The following CPNE5 variants were observed in gnomAD, a reference collection of about 807,000 sequenced individuals.
CPNE5 encodes copine 5, also known as copine-5.
CPNE5 carries 42 observed loss-of-function variants against 81.1 expected under a neutral mutation model. That is an observed-to-expected ratio of 0.52 (90% CI 0.40 to 0.67). The LOEUF (loss-of-function observed/expected upper bound fraction) is 0.67. Among genes scored for constraint, CPNE5 ranks in the 30% least tolerant of loss-of-function variants. The probability of loss-of-function intolerance (pLI) is 0.00; values close to 1 mark genes in which losing one functional copy is unlikely to be tolerated. For synonymous variants in CPNE5, 313 were observed against 321.5 expected (o/e 0.97, Z 0.28); for missense variants, 612 against 815.5 (o/e 0.75, Z 3.04).
intron 12 of CPNE5, among the ~76,000 whole-genome samples, chr6:36,762,304 G>GCA (rs60481458): frequency 0.085 from 12,510 of 146,408 alleles, 595 homozygotes; most frequent in East Asian, 0.16. Flanking sequence ...ACACATACAT[G>GCA]CACACACACA....
At chr6:36,810,296 G>C (rs1297646765) in intron 3 of CPNE5, among the ~76,000 whole-genome samples, 1 of 152,206 alleles carries the variant, frequency 6.6e-6, no homozygotes, top group Non-Finnish European at 1.5e-5. Flanking sequence ...GGAGCTGACA[G>C]ACTGCTGTCT....
chr6:36,743,323 T>C (rs1763737917), intron 20 of CPNE5: 1 of 789,610 alleles, frequency 1.3e-6, no homozygotes, highest in Non-Finnish European at 1.5e-6. Context: ...CAATGCCTAT[T>C]CTTGGAGAAG....
chr6:36,838,013 C>G (rs372168490), intron 1 of CPNE5, among the ~76,000 whole-genome samples: 2 of 152,134 alleles, frequency 1.3e-5, no homozygotes, highest in East Asian at 3.8e-4. Context: ...GGAGCTATCA[C>G]AGGAGCCCCC....
intron 10 of CPNE5, among the ~76,000 whole-genome samples, chr6:36,772,567 G>A (rs1767128695): frequency 6.6e-6 from 1 of 152,184 alleles, no homozygotes; most frequent in Non-Finnish European, 1.5e-5. Flanking sequence ...ATGGGAAGGC[G>A]ACCCTGTTCG....
At chr6:36,836,266 G>A (rs1309933325) in intron 1 of CPNE5, among the ~76,000 whole-genome samples, 1 of 152,222 alleles carries the variant, frequency 6.6e-6, no homozygotes, top group Non-Finnish European at 1.5e-5. Context: ...GTGGCCCTGT[G>A]CTCTGACTCA....
chr6:36,746,447 G>A lies in CPNE5; in HGVS notation c.1149C>T (p.Gly383=). The change falls in exon 16 of 21, where the codon GGC becomes GGT. Residue 383 remains glycine (G), a synonymous_variant. Transcript: ENST00000244751. The surrounding 1 kb of genome is among the most constrained non-coding windows in gnomAD (Gnocchi z 4.5). ...CATCCGGGGGCAGCTTGGCCCCGAA[G>A]CCCAGGGCAGGGAACATCTTGTCAC... is the stretch of plus-strand genomic sequence containing the variant. ...YDSDKMFPAL[G]FGAKLPPDGR... is the part of the protein sequence containing the mutation. 1 of 1,613,372 alleles carries A rather than the reference G, an allele frequency of 6.2e-7. No individual in the cohort carries two copies.
intron 3 of CPNE5, among the ~76,000 whole-genome samples, chr6:36,801,670 C>T (rs998394733): frequency 1.3e-5 from 2 of 152,034 alleles, no homozygotes; most frequent in African/African-American, 4.8e-5. Flanking sequence ...ATGGGTGCAC[C>T]TTGAGATTAT....
At chr6:36,764,218 C>G (rs887172344) in intron 11 of CPNE5, among the ~76,000 whole-genome samples, 21 of 152,044 alleles carry the variant, frequency 1.4e-4, no homozygotes, top group African/African-American at 5.1e-4. Context: ...GAAGAGGAGA[C>G]TATTCCAGGC....
At chr6:36,797,917 A>C (rs1182279340) in intron 6 of CPNE5, among the ~76,000 whole-genome samples, 2 of 152,032 alleles carry the variant, frequency 1.3e-5, no homozygotes, top group African/African-American at 4.8e-5. Flanking sequence ...AATAGACTAT[A>C]TGGTGTCTAG....
chr6:36,823,924 C>T (rs1772278463), intron 1 of CPNE5, among the ~76,000 whole-genome samples: 1 of 152,182 alleles, frequency 6.6e-6, no homozygotes, highest in African/African-American at 2.4e-5. Context: ...GATGGGCAGC[C>T]TACATCCTGC....
intron 3 of CPNE5, among the ~76,000 whole-genome samples, chr6:36,818,381 A>G (rs1196432357): frequency 6.6e-6 from 1 of 152,080 alleles, no homozygotes; most frequent in African/African-American, 2.4e-5. Context: ...TCTAGTTCCA[A>G]TTCACACATT....
intron 13 of CPNE5, 112 bp from the exon 14 acceptor site, chr6:36,753,207 A>G (rs1765036041): frequency 3.7e-6 from 3 of 801,196 alleles, no homozygotes; most frequent in Middle Eastern, 2.3e-4. Context: ...TTTTGCATGC[A>G]TGACTGCATG....
At position 36,786,117 on chromosome 6, in the gene CPNE5, T is replaced by C. The variant is rs549977627; in HGVS notation, c.528+5916A>G. ...TTCCAAATCTCCTAGAATTAACATA[T>C]TGTCTTTTTTAGTCAGAAAAAAATA... On this transcript the variant is annotated intron_variant, in intron 8 of 20. Coordinates refer to ENST00000244751, the MANE Select transcript of CPNE5 (RefSeq NM_020939.2). Among the ~76,000 whole-genome samples the C allele has an allele frequency of 1.4e-4, 21 of 152,216 alleles. No homozygotes were observed. In the East Asian group the frequency reaches 4.1e-3, roughly 29 times the overall value.
chr6:36,760,612 G>A (rs1037737272), intron 12 of CPNE5, among the ~76,000 whole-genome samples: 1 of 152,220 alleles, frequency 6.6e-6, no homozygotes, highest in Non-Finnish European at 1.5e-5. Flanking sequence ...TCGTGGACTG[G>A]ATATGGAATG....
chr6:36,749,655 C>CAAA (rs1241167245), intron 14 of CPNE5, among the ~76,000 whole-genome samples: 117 of 99,284 alleles, frequency 1.2e-3, no homozygotes, highest in Non-Finnish European at 2.2e-3. Flanking sequence ...AGTGAGACCT[C>CAAA]AAAAATAAAA....
chr6:36,819,094 T>G (rs886171028), intron 3 of CPNE5, among the ~76,000 whole-genome samples: 1 of 152,204 alleles, frequency 6.6e-6, no homozygotes, highest in South Asian at 2.1e-4. Context: ...TTCTCACATT[T>G]TTTTTGTTTT....
chr6:36,801,134 G>A (rs769348866), intron 3 of CPNE5, among the ~76,000 whole-genome samples: 8 of 152,272 alleles, frequency 5.3e-5, no homozygotes, highest in East Asian at 1.9e-4. Flanking sequence ...AATTGTCTTG[G>A]TTGCCCTTGC....
At chr6:36,749,673 A>C (rs567575142) in intron 14 of CPNE5, among the ~76,000 whole-genome samples, 19 of 150,134 alleles carry the variant, frequency 1.3e-4, no homozygotes, top group African/African-American at 3.7e-4. Context: ...AAAAAAAAAA[A>C]CCCACTAAAA....
At chr6:36,811,600 T>C (rs934795540) in intron 3 of CPNE5, among the ~76,000 whole-genome samples, 27 of 152,262 alleles carry the variant, frequency 1.8e-4, no homozygotes, top group African/African-American at 6.5e-4. Flanking sequence ...GAAAAGCAAA[T>C]AGATCTATCA....
Sources: gnomAD v4.1 joint callset for allele counts (sites outside exome capture counted in the v4.1 genomes callset) on GRCh38, gnomAD v4.1.1 for gene constraint, Gnocchi (gnomAD v3.1) non-coding constraint, MANE v1.5 for transcripts, NCBI Gene and HGNC (gene_info 2026-07-23, HGNC 2026-07-21) for gene names.